The following ADCK2 variants were observed in gnomAD, a reference collection of about 807,000 sequenced individuals.
ADCK2 encodes aarF domain containing kinase 2, also known as uncharacterized aarF domain-containing protein kinase 2.
Under a neutral mutation model 52.3 loss-of-function variants are expected in ADCK2, and 37 were observed. The observed-to-expected ratio is 0.71, with a 90% CI of 0.54 to 0.93. The LOEUF (loss-of-function observed/expected upper bound fraction) is 0.93. ADCK2 is among the 40% of genes least tolerant of loss of function. The pLI, the probability that ADCK2 is intolerant of heterozygous loss-of-function variation, is 0.00. For synonymous variants in ADCK2, 321 were observed against 349.2 expected (o/e 0.92, Z 0.90); for missense variants, 695 against 798.7 (o/e 0.87, Z 1.56).
Position 140,686,981 on chromosome 7 carries a change from TC to T in ADCK2, c.1306-7del, listed in dbSNP as rs1174923815. ...CGACTCACTCATGAGCATTGTGATC[TC>T]CTTCCAGATATTTGTGGATAACTTT... On this transcript the variant is annotated splice_polypyrimidine_tract_variant and splice_region_variant and intron_variant, in intron 4 of 7. Transcript: ENST00000072869. 5.0e-6 allele frequency: 8 copies of T among 1,610,112 alleles called. No individual in the cohort carries two copies. Among genetic ancestry groups the T allele is most frequent in the Non-Finnish European group, 6.8e-6 (8 of 1,176,554 alleles).
At chr7:140,691,887 T>A (rs1299047402) in intron 7 of ADCK2, among the ~76,000 whole-genome samples, 1 of 152,190 alleles carries the variant, frequency 6.6e-6, no homozygotes, top group Non-Finnish European at 1.5e-5. Context: ...CGTGGCTCAC[T>A]CTGAGCATCT....
intron 5 of ADCK2, among the ~76,000 whole-genome samples, chr7:140,688,168 T>C (rs11977879): frequency 0.019 from 2,937 of 152,068 alleles, 91 homozygotes; most frequent in African/African-American, 0.065. Flanking sequence ...CCACGCCTCC[T>C]GAGTAGCAGG....
chr7:140,691,317 A>C (rs1380588245), intron 7 of ADCK2, among the ~76,000 whole-genome samples: 2 of 152,252 alleles, frequency 1.3e-5, no homozygotes, highest in Admixed American at 1.3e-4. Flanking sequence ...GTGCAGTCTA[A>C]GTATCTGTGA....
rs1563205597 is a variant in ADCK2, at chr7:140,674,560, T to C, written c.934-51T>C. 1 of 1,578,400 alleles carries C rather than the reference T, an allele frequency of 6.3e-7. No individual in the cohort carries two copies. The highest frequency in any genetic ancestry group is 1.1e-5 in the South Asian group (1 of 87,158). Reference sequence around the variant, plus strand: ...ATGGTGGGACCCAGCCCTGGCTGGGTAAAATGTGTCCAGCAGGTTTCTCCT... The same window carrying C: ...ATGGTGGGACCCAGCCCTGGCTGGGCAAAATGTGTCCAGCAGGTTTCTCCT... On this transcript the variant is annotated intron_variant, in intron 1 of 7. Coordinates refer to ENST00000072869, the MANE Select transcript of ADCK2 (RefSeq NM_052853.4). The surrounding 1 kb of genome is among the most constrained non-coding windows in gnomAD (Gnocchi z 4.6).
chr7:140,692,710 G>C (rs1251397952), intron 7 of ADCK2, among the ~76,000 whole-genome samples: 1 of 152,206 alleles, frequency 6.6e-6, no homozygotes, highest in African/African-American at 2.4e-5. Context: ...CCACTTCTTG[G>C]TTATAGTGAA....
In ADCK2 at chr7:140,694,976, T is replaced by C; in HGVS notation, c.*173T>C. ...TTGGTTTGAGGGTCTGTTCAAAAGC[T>C]TTGGGCCAATTAGGGAGTAAAAGGA... On this transcript the variant is annotated 3_prime_UTR_variant, in exon 8 of 8. Transcript: ENST00000072869. 1 of 1,353,564 alleles carries C rather than the reference T, an allele frequency of 7.4e-7. No homozygotes were observed. Among genetic ancestry groups the C allele is most frequent in the Non-Finnish European group, 9.5e-7 (1 of 1,055,616 alleles). The allele number at this position is 1,353,564 out of a possible 1,614,324, so 83.8% of individuals were successfully genotyped here.
chr7:140,673,639 C>G lies in ADCK2; in HGVS notation c.309C>G (p.Ala103=), dbSNP rs1801674843. The G allele has an allele frequency of 1.9e-6, 3 of 1,610,054 alleles. No individual in the cohort carries two copies. Among genetic ancestry groups the G allele is most frequent in the South Asian group, 2.2e-5 (2 of 91,072 alleles). The part of the protein sequence containing the change: ...VFLHLRLWLR[A]GALLVKFFPL... ...TGCATCTCCGCCTCTGGCTTCGCGC[C>G]GGCGCTCTGTTGGTGAAATTCTTCC... Residue 103 remains alanine, a synonymous_variant, in exon 1 of 8, where the codon GCC becomes GCG. Transcript: ENST00000072869. This position sits in a 1 kb window ranked among gnomAD's most constrained non-coding sequence, Gnocchi z 6.4.
chr7:140,689,493 C>A, intron 5 of ADCK2, 104 bp from the exon 6 acceptor site: 1 of 1,400,806 alleles, frequency 7.1e-7, no homozygotes, highest in Non-Finnish European at 9.7e-7. Flanking sequence ...AGCAAGATGC[C>A]AGAAAAGTCA....
At chr7:140,686,874 T>G in intron 4 of ADCK2, 116 bp from the exon 5 acceptor site, 1 of 1,380,606 alleles carries the variant, frequency 7.2e-7, no homozygotes, top group South Asian at 1.3e-5. Context: ...GACATGCACC[T>G]CTTTGCGGCT....
rs1801691043 is a variant in ADCK2, at chr7:140,674,143, G to A, written c.813G>A (p.Ser271=). 1.2e-6 allele frequency: 2 copies of A among 1,614,108 alleles called. No homozygotes were observed. Among genetic ancestry groups the A allele is most frequent in the African/African-American group, 2.7e-5 (2 of 75,020 alleles). ...RKPPENLADQ[S]FLERLLLPKA... is the part of the protein sequence containing the mutation. ...CTCCAGAAAATCTCGCAGACCAGTC[G>A]TTTCTAGAAAGGCTGCTCCTCCCTA... The change falls in exon 1 of 8, where the codon TCG becomes TCA. Residue 271 remains serine, a synonymous_variant. Transcript: ENST00000072869. The surrounding 1 kb of genome is among the most constrained non-coding windows in gnomAD (Gnocchi z 4.6).
At chr7:140,692,895 T>C (rs1025662551) in intron 7 of ADCK2, among the ~76,000 whole-genome samples, 1 of 152,264 alleles carries the variant, frequency 6.6e-6, no homozygotes, top group South Asian at 2.1e-4. Flanking sequence ...GGTATGTTTT[T>C]AGTTTTTGAG....
In ADCK2 at chr7:140,673,670, C is replaced by G. The variant is rs1404607207; in HGVS notation, c.340C>G (p.Leu114Val). 2 of 1,611,212 alleles carry G rather than the reference C, an allele frequency of 1.2e-6. No individual in the cohort carries two copies. Among genetic ancestry groups the G allele is most frequent in the Non-Finnish European group, 1.7e-6 (2 of 1,179,944 alleles). ...GALLVKFFPL[L>V]LLYPLTYLAP... ...TCTGTTGGTGAAATTCTTCCCCCTCCTACTCCTCTACCCCCTCACCTACCT... is the reference window on the plus strand; with the variant it reads ...TCTGTTGGTGAAATTCTTCCCCCTCGTACTCCTCTACCCCCTCACCTACCT... The change falls in exon 1 of 8, where the codon CTA becomes GTA. Residue 114 changes from leucine (L) to valine (V), a missense_variant. Physicochemically the swap from Leu to Val is conservative, Grantham distance 32 (BLOSUM62 1). Coordinates refer to ENST00000072869, the MANE Select transcript of ADCK2 (RefSeq NM_052853.4). The surrounding 1 kb of genome is among the most constrained non-coding windows in gnomAD (Gnocchi z 6.4).
At position 140,674,084 on chromosome 7, in the gene ADCK2, G is replaced by A; in HGVS notation, c.754G>A (p.Glu252Lys). Reference sequence around the variant, plus strand: ...TACTGGGGCAGTCGGTGGGCTGAGAGAGCTCTTTGGATACCTTGGAAATGG... The same window carrying A: ...TACTGGGGCAGTCGGTGGGCTGAGAAAGCTCTTTGGATACCTTGGAAATGG... The part of the protein sequence containing the change: ...SHTGAVGGLR[E>K]LFGYLGNGRK... Residue 252 changes from glutamate to lysine, a missense_variant, in exon 1 of 8, where the codon GAG (glutamate) becomes AAG (lysine). Glu to Lys is a moderately conservative substitution (Grantham distance 56, BLOSUM62 1). Coordinates refer to ENST00000072869, the MANE Select transcript of ADCK2 (RefSeq NM_052853.4). This position sits in a 1 kb window ranked among gnomAD's most constrained non-coding sequence, Gnocchi z 4.6. The A allele has an allele frequency of 6.2e-7, 1 of 1,614,132 alleles. No homozygotes were observed. Among genetic ancestry groups the A allele is most frequent in the Non-Finnish European group, 8.5e-7 (1 of 1,180,042 alleles).
chr7:140,674,296 C>A lies in ADCK2; in HGVS notation c.933+33C>A. 6.4e-7 allele frequency: 1 copy of A among 1,566,866 alleles called. No homozygotes were observed. The highest frequency in any genetic ancestry group is 8.7e-7 in the Non-Finnish European group (1 of 1,152,916). On this transcript the variant is annotated intron_variant, in intron 1 of 7. Coordinates refer to ENST00000072869, the MANE Select transcript of ADCK2 (RefSeq NM_052853.4). This position sits in a 1 kb window ranked among gnomAD's most constrained non-coding sequence, Gnocchi z 4.6. ...TTGTGAGAGCTCACAGCTCACCTAC[C>A]CACTGAGCTATCCCAGATCAGAAAC...
chr7:140,685,038 C>T (rs981491022), intron 4 of ADCK2, among the ~76,000 whole-genome samples: 1 of 151,706 alleles, frequency 6.6e-6, no homozygotes, highest in Admixed American at 6.6e-5. Flanking sequence ...GCATGAGACC[C>T]TGGGCAGAGC....
At chr7:140,684,656 G>A (rs1375074891) in intron 4 of ADCK2, among the ~76,000 whole-genome samples, 2 of 152,188 alleles carry the variant, frequency 1.3e-5, no homozygotes, top group Non-Finnish European at 2.9e-5. Flanking sequence ...TGGAGTCCCC[G>A]CAGCAGGGGC....
chr7:140,676,461 T>G (rs376870928), intron 2 of ADCK2, among the ~76,000 whole-genome samples: 1 of 152,254 alleles, frequency 6.6e-6, no homozygotes, highest in Non-Finnish European at 1.5e-5. Flanking sequence ...CAACCATCTC[T>G]GCATTAATTC....
Position 140,680,659 on chromosome 7 carries a change from G to C in ADCK2, c.1210-383G>C, listed in dbSNP as rs114535256. On this transcript the variant is annotated intron_variant, in intron 3 of 7. Transcript: ENST00000072869. Reference sequence around the variant, plus strand: ...TCCTTCTGATAGCTGTTATAGAAGGGAATGTAAATAAGTTCAAATCAATGT... The same window carrying C: ...TCCTTCTGATAGCTGTTATAGAAGGCAATGTAAATAAGTTCAAATCAATGT... Among the ~76,000 whole-genome samples the C allele has an allele frequency of 3.3e-3, 503 of 152,258 alleles. 2 individuals carry two copies. The highest frequency in any genetic ancestry group is 0.011 in the African/African-American group (437 of 41,554).
chr7:140,687,631 T>C (rs1563209858), intron 5 of ADCK2, among the ~76,000 whole-genome samples: 1 of 152,026 alleles, frequency 6.6e-6, no homozygotes, highest in African/African-American at 2.4e-5. Flanking sequence ...GGAGAATTCA[T>C]TGAACCTGGG....
Sources: gnomAD v4.1 joint callset for allele counts (sites outside exome capture counted in the v4.1 genomes callset) on GRCh38, gnomAD v4.1.1 for gene constraint, Gnocchi (gnomAD v3.1) non-coding constraint, MANE v1.5 for transcripts, NCBI Gene and HGNC (gene_info 2026-07-23, HGNC 2026-07-21) for gene names.